Variants in CDH12 observed in about 807,000 individuals in gnomAD.
CDH12 encodes the protein cadherin 12.
A neutral mutation model predicts 74.1 loss-of-function variants in CDH12; 41 were observed. That is an observed-to-expected ratio of 0.55 (90% CI 0.43 to 0.72). The LOEUF (loss-of-function observed/expected upper bound fraction) is 0.72, where lower values mean the gene tolerates loss of function less well. CDH12 is among the 30% of genes least tolerant of loss of function. CDH12 has a pLI of 0.00. For synonymous variants in CDH12, 399 were observed against 355.0 expected, an observed-to-expected ratio of 1.12 and a Z score of -1.39; for missense variants, 945 against 977.2, an observed-to-expected ratio of 0.97 and a Z score of 0.44.
At chr5:22,804,403 G>C (rs563878142) in intron 1 of CDH12, among the ~76,000 whole-genome samples, 3 of 152,168 alleles carry the variant, frequency 2.0e-5, no homozygotes, top group South Asian at 2.1e-4. Flanking sequence ...AGAAGGATGG[G>C]GGGGAGATTT....
In CDH12 at chr5:22,019,418, G is replaced by A. The variant is rs78293232; in HGVS notation, c.232-44033C>T. ...GTCCAAATGTTTATATCCCCTCAAAGTACCTATGTTGAAATTGTAACTCCA... is the reference window on the plus strand; with the variant it reads ...GTCCAAATGTTTATATCCCCTCAAAATACCTATGTTGAAATTGTAACTCCA... On this transcript the variant is annotated intron_variant, in intron 5 of 14. Transcript: ENST00000382254. Among the ~76,000 whole-genome samples, 1,055 of 152,158 alleles carry A rather than the reference G, an allele frequency of 6.9e-3. 18 individuals are homozygous for A. The highest frequency in any genetic ancestry group is 0.06 in the South Asian group (291 of 4,824).
intron 1 of CDH12, among the ~76,000 whole-genome samples, chr5:22,761,865 A>G (rs1193072696): frequency 1.3e-5 from 2 of 152,178 alleles, no homozygotes; most frequent in African/African-American, 4.8e-5. Flanking sequence ...ACCTTGTGTC[A>G]GACTTAGCAT....
At chr5:22,064,121 G>C (rs1741394291) in intron 5 of CDH12, among the ~76,000 whole-genome samples, 1 of 152,044 alleles carries the variant, frequency 6.6e-6, no homozygotes, top group Non-Finnish European at 1.5e-5. Flanking sequence ...TCATCCTTCT[G>C]TATTGGTGGG....
chr5:22,508,042 T>A (rs1478764239), intron 1 of CDH12, among the ~76,000 whole-genome samples: 1 of 152,240 alleles, frequency 6.6e-6, no homozygotes, highest in African/African-American at 2.4e-5. Context: ...CATGTGTTTA[T>A]AATTTGGGCC....
intron 4 of CDH12, among the ~76,000 whole-genome samples, chr5:22,194,607 C>T (rs1750518758): frequency 5.9e-5 from 9 of 152,252 alleles, no homozygotes; most frequent in Admixed American, 5.2e-4. Flanking sequence ...GCTGGGATTA[C>T]AGGTGTGAGG....
At chr5:21,812,812 G>T (rs1209143613) in intron 9 of CDH12, among the ~76,000 whole-genome samples, 1 of 152,072 alleles carries the variant, frequency 6.6e-6, no homozygotes, top group African/African-American at 2.4e-5. Context: ...ATAGATGTAG[G>T]GTGCAGGCTA....
At chr5:21,939,509 A>G in intron 6 of CDH12, among the ~76,000 whole-genome samples, 1 of 152,002 alleles carries the variant, frequency 6.6e-6, no homozygotes, top group Non-Finnish European at 1.5e-5. Context: ...TACTTAAACT[A>G]ACTTCCTTTT....
At chr5:22,737,139 T>G (rs1162958917) in intron 1 of CDH12, among the ~76,000 whole-genome samples, 4 of 151,960 alleles carry the variant, frequency 2.6e-5, no homozygotes, top group Non-Finnish European at 5.9e-5. Flanking sequence ...CACTGATGTT[T>G]ATAATAAAGC....
chr5:22,489,567 G>A (rs1177289955), intron 2 of CDH12, among the ~76,000 whole-genome samples: 1 of 151,992 alleles, frequency 6.6e-6, no homozygotes, highest in Non-Finnish European at 1.5e-5. Flanking sequence ...TAATCTCAAG[G>A]AGTTTAAGTT....
intron 5 of CDH12, among the ~76,000 whole-genome samples, chr5:22,021,662 T>C (rs1266016952): frequency 6.6e-6 from 1 of 152,240 alleles, no homozygotes; most frequent in Non-Finnish European, 1.5e-5. Context: ...TACTTTATTA[T>C]AAAATAGGTT....
At chr5:22,498,420 G>C (rs1284348689) in intron 2 of CDH12, among the ~76,000 whole-genome samples, 3 of 151,846 alleles carry the variant, frequency 2.0e-5, no homozygotes, top group Non-Finnish European at 4.4e-5. Context: ...AAATAATATA[G>C]AGACAATTTT....
At chr5:22,805,880 C>T (rs192323087) in intron 1 of CDH12, among the ~76,000 whole-genome samples, 19 of 152,126 alleles carry the variant, frequency 1.2e-4, no homozygotes, top group East Asian at 1.2e-3. Flanking sequence ...CATTGATCAA[C>T]TCCCATTTAT....
At chr5:21,931,748 T>A (rs1208958091) in intron 6 of CDH12, among the ~76,000 whole-genome samples, 1 of 152,188 alleles carries the variant, frequency 6.6e-6, no homozygotes, top group African/African-American at 2.4e-5. Context: ...ATTTGGCCAA[T>A]TATGGTTGGA....
chr5:22,718,607 G>A (rs559378802), intron 1 of CDH12, among the ~76,000 whole-genome samples: 3 of 152,278 alleles, frequency 2.0e-5, no homozygotes, highest in Admixed American at 2.0e-4. Flanking sequence ...CCACTGTGTA[G>A]TATAACACTG....
chr5:22,581,691 T>C (rs1004389339), intron 1 of CDH12, among the ~76,000 whole-genome samples: 11 of 152,150 alleles, frequency 7.2e-5, no homozygotes, highest in Non-Finnish European at 1.0e-4. Context: ...ACTGACAGCT[T>C]ACACATGAGC....
At chr5:21,778,605 G>T (rs1178532906) in intron 11 of CDH12, among the ~76,000 whole-genome samples, 6 of 143,258 alleles carry the variant, frequency 4.2e-5, no homozygotes, top group Non-Finnish European at 7.5e-5. Flanking sequence ...AAGTTTATAT[G>T]ACAGTTCACT....
At chr5:22,069,652 G>A (rs1741807318) in intron 5 of CDH12, among the ~76,000 whole-genome samples, 1 of 152,132 alleles carries the variant, frequency 6.6e-6, no homozygotes, top group African/African-American at 2.4e-5. Context: ...GCCTCTCTGA[G>A]TTCCTCATTC....
chr5:21,935,574 T>C (rs1306210099), intron 6 of CDH12, among the ~76,000 whole-genome samples: 2 of 152,218 alleles, frequency 1.3e-5, no homozygotes, highest in Admixed American at 6.5e-5. Context: ...CTTCACACAG[T>C]TATCCTTTGT....
intron 4 of CDH12, among the ~76,000 whole-genome samples, chr5:22,171,865 A>C (rs1019337015): frequency 1.3e-5 from 2 of 151,934 alleles, no homozygotes; most frequent in Non-Finnish European, 2.9e-5. Context: ...CTTTTTAAAG[A>C]CAAATTGTGC....
Sources: gnomAD v4.1 joint callset for allele counts (sites outside exome capture counted in the v4.1 genomes callset) on GRCh38, gnomAD v4.1.1 for gene constraint, MANE v1.5 for transcripts, NCBI Gene and HGNC (gene_info 2026-07-23, HGNC 2026-07-21) for gene names.